Variants in VSNL1 observed in about 807,000 individuals in gnomAD.
VSNL1 encodes visinin like 1.
A neutral mutation model predicts 20.4 loss-of-function variants in VSNL1; 6 were observed. The ratio of observed to expected loss-of-function variants is 0.29; its 90% CI spans 0.16 to 0.58. The LOEUF (loss-of-function observed/expected upper bound fraction) is 0.58. Ranked by LOEUF, VSNL1 falls within the 20% of genes least tolerant of loss-of-function variation. VSNL1 has a pLI of 0.90. For missense variants in VSNL1, 100 were observed against 234.5 expected (o/e 0.43, Z 3.75); for synonymous variants, 93 against 86.4 (o/e 1.08, Z -0.42).
rs1471267203 is a variant in VSNL1, at chr2:17,640,270, G to GA, written c.163-9137dup. Among the ~76,000 whole-genome samples the GA allele has an allele frequency of 1.4e-3, 196 of 138,606 alleles. 1 individual carries two copies. The highest frequency in any genetic ancestry group is 4.8e-3 in the African/African-American group (181 of 37,420). 90.9% of individuals were successfully genotyped at this position (138,606 alleles called of 152,430 possible). On this transcript the variant is annotated intron_variant, in intron 2 of 3. Transcript: ENST00000295156. ...TCTGTTTCAAAAAAAAAAAAAAAAA[G>GA]AAAGAAAAGAAAAGAAACTAAAGCT...
chr2:17,576,100 G>A (rs1664208173), intron 1 of VSNL1, among the ~76,000 whole-genome samples: 1 of 152,030 alleles, frequency 6.6e-6, no homozygotes, highest in African/African-American at 2.4e-5. Context: ...TCTGCATATA[G>A]TCCACACTTT....
At position 17,655,455 on chromosome 2, in the gene VSNL1, T is replaced by TCACACACACACACACACACA. The variant is rs3064980; in HGVS notation, c.*88_*107dup. 2.8e-5 allele frequency: 15 copies of TCACACACACACACACACACA among 537,440 alleles called. No homozygotes were observed. The highest frequency in any genetic ancestry group is 2.6e-4 in the African/African-American group (13 of 50,010). 33.3% of individuals were successfully genotyped at this position (537,440 alleles called of 1,614,324 possible). A position where few individuals can be genotyped will look rare whatever the true frequency, so the allele number is the denominator to read the frequency against. On this transcript the variant is annotated 3_prime_UTR_variant, in exon 4 of 4. Transcript: ENST00000295156. The surrounding 1 kb of genome is among the most constrained non-coding windows in gnomAD (Gnocchi z 5.2). ...AATGTTCCATTCAGTCTGCAGCTAT[T>TCACACACACACACACACACA]CACACACACACACACACACACACAC...
chr2:17,581,024 CAAGT>C (rs1258271061), intron 1 of VSNL1, among the ~76,000 whole-genome samples: 3 of 152,118 alleles, frequency 2.0e-5, no homozygotes, highest in Admixed American at 1.3e-4. Context: ...CAAGCTCAAG[CAAGT>C]GTGTGTATAA....
At chr2:17,619,054 AACCAC>A (rs1390719586) in intron 2 of VSNL1, among the ~76,000 whole-genome samples, 1 of 152,194 alleles carries the variant, frequency 6.6e-6, no homozygotes, top group Admixed American at 6.5e-5. Flanking sequence ...AATACTGAAT[AACCAC>A]TGTGTGCCAC....
At chr2:17,585,085 T>C (rs1278518272) in intron 1 of VSNL1, among the ~76,000 whole-genome samples, 3 of 152,112 alleles carry the variant, frequency 2.0e-5, no homozygotes, top group African/African-American at 7.2e-5. Context: ...TTATCTTGAG[T>C]CCCCAGGGAT....
intron 2 of VSNL1, among the ~76,000 whole-genome samples, chr2:17,626,575 C>G (rs1665514074): frequency 6.6e-6 from 1 of 151,056 alleles, no homozygotes; most frequent in Non-Finnish European, 1.5e-5. Flanking sequence ...CCACCCTGCC[C>G]CTGTGTCTGC....
rs1401347604 is a variant in VSNL1, at chr2:17,655,500, C to CACACACACACACACAA, written c.*107_*108insCACACACACACACAAA. ...ACACACACACACACACACACACACA[C>CACACACACACACACAA]AAATATTGCTTGGACTACCTATAAA... On this transcript the variant is annotated 3_prime_UTR_variant, in exon 4 of 4. Coordinates refer to ENST00000295156, the MANE Select transcript of VSNL1 (RefSeq NM_003385.5). This position sits in a 1 kb window ranked among gnomAD's most constrained non-coding sequence, Gnocchi z 5.2. 1 of 954,530 alleles carries CACACACACACACACAA rather than the reference C, an allele frequency of 1.0e-6. No homozygotes were observed. The highest frequency in any genetic ancestry group is 1.8e-5 in the African/African-American group (1 of 56,144). The allele number at this position is 954,530 out of a possible 1,614,324, so 59.1% of individuals were successfully genotyped here.
Position 17,621,141 on chromosome 2 carries a change from G to A in VSNL1, c.163-28269G>A, listed in dbSNP as rs553448090. On this transcript the variant is annotated intron_variant, in intron 2 of 3. Coordinates refer to ENST00000295156, the MANE Select transcript of VSNL1 (RefSeq NM_003385.5). ...ACAATACCTAGCATATCACTTAACA[G>A]GGAATCTCACCAGGCAGCCCTATAA... Among the ~76,000 whole-genome samples, 37 of 152,262 alleles carry A rather than the reference G, an allele frequency of 2.4e-4. 1 individual carries two copies. In the South Asian group the frequency reaches 7.7e-3, roughly 32 times the overall value.
At chr2:17,555,791 C>G (rs1323962824) in intron 1 of VSNL1, among the ~76,000 whole-genome samples, 1 of 152,094 alleles carries the variant, frequency 6.6e-6, no homozygotes, top group Non-Finnish European at 1.5e-5. Context: ...CTGTCTCTTA[C>G]CAGCCCCAAC....
chr2:17,622,582 AAGAAAGAAAGAAAGAAAG>A (rs1189087349), intron 2 of VSNL1, among the ~76,000 whole-genome samples: 4 of 141,486 alleles, frequency 2.8e-5, no homozygotes, highest in Non-Finnish European at 4.8e-5. Context: ...GAAAGAAAGA[AAGAAAGAAAGAAAGAAAG>A]AAAAGAAAGA....
intron 1 of VSNL1, among the ~76,000 whole-genome samples, chr2:17,565,808 CCCA>C (rs1663924174): frequency 6.6e-6 from 1 of 152,172 alleles, no homozygotes; most frequent in Admixed American, 6.5e-5. Context: ...TCCCATAATT[CCCA>C]CGTCATGGGA....
At chr2:17,582,169 G>T (rs930986883) in intron 1 of VSNL1, among the ~76,000 whole-genome samples, 6 of 152,146 alleles carry the variant, frequency 3.9e-5, no homozygotes, top group African/African-American at 1.2e-4. Context: ...ATATTAGGAA[G>T]TTGTAGCATA....
intron 2 of VSNL1, among the ~76,000 whole-genome samples, chr2:17,640,716 T>A (rs1030519289): frequency 5.3e-5 from 8 of 152,178 alleles, no homozygotes; most frequent in African/African-American, 1.9e-4. Flanking sequence ...TATTGACACA[T>A]AACAATTGTA....
At chr2:17,548,057 G>A (rs1663441662) in intron 1 of VSNL1, among the ~76,000 whole-genome samples, 2 of 151,884 alleles carry the variant, frequency 1.3e-5, no homozygotes, top group African/African-American at 2.4e-5. Flanking sequence ...CCCATTTCGC[G>A]ACTAATCATT....
intron 1 of VSNL1, among the ~76,000 whole-genome samples, chr2:17,589,984 C>T (rs1664562842): frequency 6.6e-6 from 1 of 152,178 alleles, no homozygotes; most frequent in South Asian, 2.1e-4. Flanking sequence ...CTTTCATCCA[C>T]CAGTCTATGA....
At chr2:17,587,944 A>G (rs1664516030) in intron 1 of VSNL1, among the ~76,000 whole-genome samples, 1 of 152,164 alleles carries the variant, frequency 6.6e-6, no homozygotes, top group Non-Finnish European at 1.5e-5. Context: ...TCTTCTCTGG[A>G]CATCATTTGC....
intron 3 of VSNL1, among the ~76,000 whole-genome samples, chr2:17,650,042 C>T (rs185281399): frequency 1.2e-3 from 188 of 152,292 alleles, no homozygotes; most frequent in African/African-American, 4.4e-3. Context: ...GCAGGCTTTG[C>T]CCATTGTGTT....
intron 1 of VSNL1, among the ~76,000 whole-genome samples, chr2:17,578,313 T>A (rs1327614946): frequency 6.6e-6 from 1 of 152,200 alleles, no homozygotes; most frequent in Non-Finnish European, 1.5e-5. Context: ...GCTCTTTGGA[T>A]TCTGCCATGG....
At chr2:17,637,034 C>T (rs764808875) in intron 2 of VSNL1, among the ~76,000 whole-genome samples, 1 of 152,174 alleles carries the variant, frequency 6.6e-6, no homozygotes, top group Non-Finnish European at 1.5e-5. Flanking sequence ...CATAGGCTGT[C>T]GCCCACCCGG....
Sources: gnomAD v4.1 joint callset for allele counts (sites outside exome capture counted in the v4.1 genomes callset) on GRCh38, gnomAD v4.1.1 for gene constraint, Gnocchi (gnomAD v3.1) non-coding constraint, MANE v1.5 for transcripts, NCBI Gene and HGNC (gene_info 2026-07-23, HGNC 2026-07-21) for gene names.